The following RAB3B variants were observed in gnomAD, a reference collection of about 807,000 sequenced individuals.
The protein encoded by RAB3B is ras-related protein Rab-3B.
RAB3B carries 11 observed loss-of-function variants against 20.5 expected under a neutral mutation model. The observed-to-expected ratio is 0.54, with a 90% CI of 0.34 to 0.89. RAB3B has a LOEUF of 0.89. Ranked by LOEUF, RAB3B falls within the 40% of genes least tolerant of loss-of-function variation. The pLI is 0.02. For missense variants in RAB3B, 225 were observed against 280.9 expected (o/e 0.80, Z 1.42); for synonymous variants, 99 against 106.3 (o/e 0.93, Z 0.42).
intron 4 of RAB3B, among the ~76,000 whole-genome samples, chr1:51,930,546 T>A (rs762629271): frequency 6.6e-6 from 1 of 152,144 alleles, no homozygotes; most frequent in Non-Finnish European, 1.5e-5. Flanking sequence ...TGTGCCTCAC[T>A]TTTCTCATCT....
At position 51,919,677 on chromosome 1, in the gene RAB3B, G is replaced by A. The variant is rs1557960756; in HGVS notation, c.*250C>T. 5.2e-6 allele frequency: 2 copies of A among 384,296 alleles called. No individual in the cohort carries two copies. The highest frequency in any genetic ancestry group is 4.1e-5 in the African/African-American group (2 of 49,302). 23.8% of individuals were successfully genotyped at this position (384,296 alleles called of 1,614,324 possible). A position where few individuals can be genotyped will look rare whatever the true frequency, so the allele number is the denominator to read the frequency against. On this transcript the variant is annotated 3_prime_UTR_variant, in exon 5 of 5. Coordinates refer to ENST00000371655, the MANE Select transcript of RAB3B (RefSeq NM_002867.4). ...TGTAGTGAATCCCCTTCGTAAAACAGAGTCTTCTTTTGTAAAGTGATTCTG... is the reference window on the plus strand; with the variant it reads ...TGTAGTGAATCCCCTTCGTAAAACAAAGTCTTCTTTTGTAAAGTGATTCTG...
intron 1 of RAB3B, among the ~76,000 whole-genome samples, chr1:51,982,753 A>AAAT (rs540518500): frequency 0.023 from 3,470 of 151,592 alleles, 73 homozygotes; most frequent in African/African-American, 0.061. Flanking sequence ...AATCTCAAAA[A>AAAT]AATAATAATA....
chr1:51,945,398 T>C (rs1283840843), intron 2 of RAB3B, among the ~76,000 whole-genome samples: 2 of 152,212 alleles, frequency 1.3e-5, no homozygotes, highest in Non-Finnish European at 2.9e-5. Context: ...ACACATTTAA[T>C]AGACTACTAC....
chr1:51,931,889 T>G (rs1684332043), intron 4 of RAB3B, among the ~76,000 whole-genome samples: 1 of 150,890 alleles, frequency 6.6e-6, no homozygotes, highest in Non-Finnish European at 1.5e-5. Flanking sequence ...CCAGGGAGAG[T>G]GCTGGGAGCC....
Position 51,951,449 on chromosome 1 carries a change from C to CA in RAB3B, c.229-14038dup, listed in dbSNP as rs1181215262. ...TTTATTTTTAGGCTCAACCAGGACT[C>CA]AAATTCAAATATTCTGACTCTACAT... On this transcript the variant is annotated intron_variant, in intron 2 of 4. Coordinates refer to ENST00000371655, the MANE Select transcript of RAB3B (RefSeq NM_002867.4). 3.2e-4 allele frequency among the ~76,000 whole-genome samples: 49 copies of CA among 152,186 alleles called. 1 individual carries two copies. The highest frequency in any genetic ancestry group is 3.1e-3 in the Admixed American group (47 of 15,276).
chr1:51,963,736 A>T (rs1684812656), intron 2 of RAB3B, among the ~76,000 whole-genome samples: 1 of 152,106 alleles, frequency 6.6e-6, no homozygotes, highest in South Asian at 2.1e-4. Context: ...TCGAACCAGC[A>T]CATGGAACCC....
chr1:51,942,984 G>A (rs896541280), intron 2 of RAB3B, among the ~76,000 whole-genome samples: 5 of 152,246 alleles, frequency 3.3e-5, no homozygotes, highest in Admixed American at 2.6e-4. Context: ...ACTTAATGTT[G>A]TGTGTGTTCT....
rs1369270632 is a variant in RAB3B, at chr1:51,910,668, A to G, written c.*9259T>C. The G allele has an allele frequency of 6.6e-6, 1 of 152,140 alleles. No individual in the cohort carries two copies. Among genetic ancestry groups the G allele is most frequent in the African/African-American group, 2.4e-5 (1 of 41,428 alleles). 9.4% of individuals were successfully genotyped at this position (152,140 alleles called of 1,614,324 possible). On this transcript the variant is annotated 3_prime_UTR_variant, in exon 5 of 5. Coordinates refer to ENST00000371655, the MANE Select transcript of RAB3B (RefSeq NM_002867.4). ...CCAAAATCCTGTTTCCCCCTTGCAG[A>G]TCTTACAGAAAACAGCCACAGAATC...
At chr1:51,989,586 C>T (rs934702578) in intron 1 of RAB3B, among the ~76,000 whole-genome samples, 3 of 151,754 alleles carry the variant, frequency 2.0e-5, no homozygotes, top group Non-Finnish European at 2.9e-5. Flanking sequence ...CCTATCTATA[C>T]ACTCCAAGTT....
intron 2 of RAB3B, among the ~76,000 whole-genome samples, chr1:51,939,138 A>G (rs1684454438): frequency 2.0e-5 from 3 of 152,256 alleles, no homozygotes; most frequent in Admixed American, 2.0e-4. Flanking sequence ...GCAAAGGGTT[A>G]TCAGGGCACA....
chr1:51,945,001 C>G (rs1332734252), intron 2 of RAB3B, among the ~76,000 whole-genome samples: 1 of 152,168 alleles, frequency 6.6e-6, no homozygotes, highest in Non-Finnish European at 1.5e-5. Context: ...ATCGATGCAG[C>G]AAACTTCACT....
chr1:51,932,762 T>C (rs1293605483), intron 4 of RAB3B, among the ~76,000 whole-genome samples: 2 of 152,166 alleles, frequency 1.3e-5, no homozygotes, highest in African/African-American at 4.8e-5. Context: ...TGAAGAGTAG[T>C]GCTTCTCTGG....
chr1:51,971,734 A>G (rs1684939367), intron 2 of RAB3B, among the ~76,000 whole-genome samples: 1 of 152,104 alleles, frequency 6.6e-6, no homozygotes, highest in South Asian at 2.1e-4. Context: ...CCCAGACCAC[A>G]CTATGTTTTT....
chr1:51,933,343 C>G lies in RAB3B; in HGVS notation c.447G>C (p.Lys149Asn). The G allele has an allele frequency of 6.2e-7, 1 of 1,614,128 alleles. No homozygotes were observed. ...CAAGCTGCTCTGCAAGGAGCTGGCC[C>G]TTCTCAGTGGGAACAACCCTCTCTT... ...MEEERVVPTE[K>N]GQLLAEQLGF... The change falls in exon 4 of 5, where the codon AAG becomes AAC. Residue 149 changes from lysine to asparagine, a missense_variant. Coordinates refer to ENST00000371655, the MANE Select transcript of RAB3B (RefSeq NM_002867.4).
Position 51,912,595 on chromosome 1 carries a change from A to G in RAB3B, c.*7332T>C, listed in dbSNP as rs1684020865. The G allele has an allele frequency of 5.1e-5, 2 of 39,394 alleles. No homozygotes were observed. The highest frequency in any genetic ancestry group is 3.2e-4 in the Admixed American group (1 of 3,136). The allele number at this position is 39,394 out of a possible 1,614,324, so 2.4% of individuals were successfully genotyped here. A position where few individuals can be genotyped will look rare whatever the true frequency, so the allele number is the denominator to read the frequency against. ...TATATATATATATATATATATATAT[A>G]TATATAAAAAATGTTACTCCTGTGA... On this transcript the variant is annotated 3_prime_UTR_variant, in exon 5 of 5. Coordinates refer to ENST00000371655, the MANE Select transcript of RAB3B (RefSeq NM_002867.4).
intron 2 of RAB3B, among the ~76,000 whole-genome samples, chr1:51,945,359 A>T (rs1684550212): frequency 6.6e-6 from 1 of 152,164 alleles, no homozygotes; most frequent in African/African-American, 2.4e-5. Flanking sequence ...TAATTAATGT[A>T]TGTAAATTGT....
intron 1 of RAB3B, among the ~76,000 whole-genome samples, 165 bp downstream of exon 1, chr1:51,990,387 T>G (rs1255297859): frequency 7.0e-6 from 1 of 143,848 alleles, no homozygotes; most frequent in Non-Finnish European, 1.5e-5. Flanking sequence ...CCTCCCTAGG[T>G]GAGCCCCACC....
chr1:51,921,311 C>T (rs1032667895), intron 4 of RAB3B, among the ~76,000 whole-genome samples: 19 of 152,168 alleles, frequency 1.2e-4, no homozygotes, highest in Non-Finnish European at 1.5e-5. Context: ...AGGAGCTTTA[C>T]TGATATCATC....
At chr1:51,980,288 C>T (rs529894338) in intron 1 of RAB3B, among the ~76,000 whole-genome samples, 1 of 151,994 alleles carries the variant, frequency 6.6e-6, no homozygotes, top group Admixed American at 6.6e-5. Context: ...ATTAGCCAGC[C>T]GTGGTGGCAC....
Sources: allele counts gnomAD v4.1 joint callset (sites outside exome capture counted in the v4.1 genomes callset), GRCh38; gene constraint gnomAD v4.1.1; transcripts MANE v1.5; gene names NCBI Gene and HGNC (gene_info 2026-07-23, HGNC 2026-07-21).